Variants in CNTNAP2 observed in about 807,000 individuals in gnomAD.
CNTNAP2 encodes the protein contactin associated protein 2.
Under a neutral mutation model 155.2 loss-of-function variants are expected in CNTNAP2, and 98 were observed. That is an observed-to-expected ratio of 0.63 (90% CI 0.54 to 0.75). The LOEUF is 0.75. Ranked by LOEUF, CNTNAP2 falls within the 30% of genes least tolerant of loss-of-function variation. The pLI is 0.00. For synonymous variants in CNTNAP2, 651 were observed against 631.2 expected, an observed-to-expected ratio of 1.03 and a Z score of -0.47; for missense variants, 1,727 against 1,688.1, an observed-to-expected ratio of 1.02 and a Z score of -0.40.
intron 8 of CNTNAP2, among the ~76,000 whole-genome samples, chr7:147,148,345 C>T (rs1004576031): frequency 3.4e-5 from 5 of 148,752 alleles, no homozygotes; most frequent in African/African-American, 1.2e-4. Flanking sequence ...AGCCGAGATC[C>T]CGCCACTGCA....
chr7:148,178,608 G>A (rs1383399501), intron 18 of CNTNAP2, among the ~76,000 whole-genome samples: 2 of 152,184 alleles, frequency 1.3e-5, no homozygotes, highest in Non-Finnish European at 2.9e-5. Flanking sequence ...AGATGATGAT[G>A]GAATTAGATG....
At chr7:147,722,111 C>T (rs1380345287) in intron 13 of CNTNAP2, among the ~76,000 whole-genome samples, 3 of 152,182 alleles carry the variant, frequency 2.0e-5, no homozygotes, top group Non-Finnish European at 4.4e-5. Context: ...ATCTAAAGAA[C>T]TGGGGCTAGC....
At chr7:147,980,452 C>A (rs12532921) in intron 15 of CNTNAP2, among the ~76,000 whole-genome samples, 36,737 of 152,060 alleles carry the variant, frequency 0.24, 5,755 homozygotes, top group East Asian at 0.56. Context: ...TAATATTTTA[C>A]CTGATATTTC....
chr7:147,054,338 A>G (rs1001773286), intron 4 of CNTNAP2, among the ~76,000 whole-genome samples: 3 of 152,208 alleles, frequency 2.0e-5, no homozygotes, highest in Non-Finnish European at 4.4e-5. Flanking sequence ...CAGCTTGCAA[A>G]TAAACATAAC....
chr7:146,156,894 G>A (rs891027419), intron 1 of CNTNAP2, among the ~76,000 whole-genome samples: 12 of 152,046 alleles, frequency 7.9e-5, no homozygotes, highest in African/African-American at 9.7e-5. Context: ...CAGCCACTGC[G>A]CCCAGCTGCT....
chr7:147,137,235 T>C (rs1801501269), intron 8 of CNTNAP2, among the ~76,000 whole-genome samples: 1 of 151,254 alleles, frequency 6.6e-6, no homozygotes, highest in Non-Finnish European at 1.5e-5. Context: ...ACATTTCTTA[T>C]ATAAAATTTA....
At chr7:146,153,983 A>G (rs1197272930) in intron 1 of CNTNAP2, among the ~76,000 whole-genome samples, 1 of 152,080 alleles carries the variant, frequency 6.6e-6, no homozygotes, top group Non-Finnish European at 1.5e-5. Flanking sequence ...ATACATTCAT[A>G]TGAATGTATT....
intron 1 of CNTNAP2, among the ~76,000 whole-genome samples, chr7:146,443,223 A>AAAT (rs1196107292): frequency 1.7e-4 from 23 of 132,002 alleles, no homozygotes; most frequent in African/African-American, 6.1e-4. Context: ...CTAAATAAAT[A>AAAT]AATAAATAAT....
intron 20 of CNTNAP2, among the ~76,000 whole-genome samples, chr7:148,260,363 A>T (rs181609361): frequency 6.6e-6 from 1 of 152,308 alleles, no homozygotes; most frequent in East Asian, 1.9e-4. Context: ...TATCAAAGAT[A>T]CGAGATCATA....
intron 2 of CNTNAP2, among the ~76,000 whole-genome samples, chr7:146,826,853 T>TAGAGAGAG (rs1479252509): frequency 5.7e-5 from 8 of 140,670 alleles, no homozygotes; most frequent in African/African-American, 2.0e-4. Context: ...TATATATATA[T>TAGAGAGAG]ATATAGAGAG....
chr7:146,737,089 CA>C (rs927716447), intron 1 of CNTNAP2, among the ~76,000 whole-genome samples: 4 of 151,704 alleles, frequency 2.6e-5, no homozygotes. Flanking sequence ...TCAAAGCATC[CA>C]AAAAATAAAT....
intron 15 of CNTNAP2, among the ~76,000 whole-genome samples, chr7:148,010,979 T>C (rs1283962760): frequency 1.3e-5 from 2 of 152,178 alleles, no homozygotes; most frequent in African/African-American, 4.8e-5. Context: ...CTAACTAAAA[T>C]TCATGCAAAT....
intron 1 of CNTNAP2, among the ~76,000 whole-genome samples, chr7:146,451,840 A>G (rs1796485301): frequency 1.6e-5 from 1 of 61,248 alleles, no homozygotes; most frequent in Admixed American, 2.0e-4. Context: ...ATATACATAT[A>G]TATATACACG....
chr7:147,024,519 A>G (rs1221117637), intron 3 of CNTNAP2, among the ~76,000 whole-genome samples: 1 of 152,206 alleles, frequency 6.6e-6, no homozygotes, highest in African/African-American at 2.4e-5. Flanking sequence ...GTAAAGAAAT[A>G]TTGAGACTGG....
chr7:147,530,154 G>T (rs534827777), intron 11 of CNTNAP2, among the ~76,000 whole-genome samples: 10 of 151,388 alleles, frequency 6.6e-5, no homozygotes, highest in African/African-American at 2.4e-4. Flanking sequence ...TGTGTGAGGA[G>T]GCCTCAGAAT....
At chr7:146,426,643 A>T (rs1205262690) in intron 1 of CNTNAP2, among the ~76,000 whole-genome samples, 1 of 150,726 alleles carries the variant, frequency 6.6e-6, no homozygotes, top group African/African-American at 2.5e-5. Context: ...AAAAAAGCAA[A>T]ACACAGTGAA....
At chr7:147,199,632 CTTG>C (rs1416513211) in intron 8 of CNTNAP2, among the ~76,000 whole-genome samples, 5 of 147,938 alleles carry the variant, frequency 3.4e-5, no homozygotes, top group Non-Finnish European at 4.5e-5. Flanking sequence ...TTTTGTAGGG[CTTG>C]TTGTTGTTTT....
At chr7:146,223,981 G>A (rs963474468) in intron 1 of CNTNAP2, among the ~76,000 whole-genome samples, 6 of 152,102 alleles carry the variant, frequency 3.9e-5, no homozygotes, top group East Asian at 3.8e-4. Context: ...TTTTCCTTCC[G>A]TTAGCATCAG....
chr7:147,740,436 A>G (rs1263002754), intron 13 of CNTNAP2, among the ~76,000 whole-genome samples: 3 of 152,188 alleles, frequency 2.0e-5, no homozygotes, highest in Non-Finnish European at 4.4e-5. Flanking sequence ...GACACTGCCC[A>G]ACAAACCCAC....
Sources: gnomAD v4.1 joint callset for allele counts (sites outside exome capture counted in the v4.1 genomes callset) on GRCh38, gnomAD v4.1.1 for gene constraint, MANE v1.5 for transcripts, NCBI Gene and HGNC (gene_info 2026-07-23, HGNC 2026-07-21) for gene names.